The following HIPK3 variants were observed in gnomAD, a reference collection of about 807,000 sequenced individuals.
HIPK3 encodes the protein homeodomain interacting protein kinase 3, also known as homeodomain-interacting protein kinase 3.
HIPK3 carries 47 observed loss-of-function variants against 124.2 expected under a neutral mutation model. That is an observed-to-expected ratio of 0.38 (90% CI 0.30 to 0.48). The LOEUF (loss-of-function observed/expected upper bound fraction) is 0.48. Among genes scored for constraint, HIPK3 ranks in the 20% least tolerant of loss-of-function variants. The pLI is 0.98. For missense variants in HIPK3, 1,286 were observed against 1,454.3 expected, an observed-to-expected ratio of 0.88 and a Z score of 1.88; for synonymous variants, 482 against 515.2, an observed-to-expected ratio of 0.94 and a Z score of 0.87.
chr11:33,323,348 A>G (rs975630322), intron 2 of HIPK3, among the ~76,000 whole-genome samples: 6 of 152,070 alleles, frequency 3.9e-5, no homozygotes, highest in African/African-American at 7.2e-5. Context: ...GTCTCAAGCA[A>G]TTCTTCTGCC....
chr11:33,311,949 C>G (rs1050174587), intron 2 of HIPK3, among the ~76,000 whole-genome samples: 1 of 119,332 alleles, frequency 8.4e-6, no homozygotes, highest in African/African-American at 3.0e-5. Flanking sequence ...CACACACACA[C>G]GGGCAACATA....
intron 4 of HIPK3, among the ~76,000 whole-genome samples, chr11:33,338,210 A>G (rs888811118): frequency 1.3e-5 from 2 of 152,184 alleles, no homozygotes; most frequent in African/African-American, 4.8e-5. Flanking sequence ...TAAATCCTCA[A>G]TAATTAACTT....
rs1853769984 is a variant in HIPK3, at chr11:33,354,701, T to C, written c.*1133T>C. On this transcript the variant is annotated 3_prime_UTR_variant, in exon 17 of 17. Transcript: ENST00000303296. ...TTTTTGATTTATGCATGTGAGAGGG[T>C]TTTTTTTTTTTTTAAGTATTTTTAC... The C allele has an allele frequency of 3.7e-5, 1 of 27,096 alleles. No individual in the cohort carries two copies. The highest frequency in any genetic ancestry group is 1.8e-3 in the South Asian group (1 of 558). 1.7% of individuals were successfully genotyped at this position (27,096 alleles called of 1,614,324 possible). A position where few individuals can be genotyped will look rare whatever the true frequency, so the allele number is the denominator to read the frequency against.
intron 15 of HIPK3, 145 bp from the exon 16 acceptor site, chr11:33,351,993 G>A (rs1475610505): frequency 9.9e-7 from 1 of 1,013,552 alleles, no homozygotes; most frequent in Non-Finnish European, 1.4e-6. Flanking sequence ...GTATTATCCA[G>A]TGCTTGGAAA....
rs555651808 is a variant in HIPK3 at position 33,331,253 on chromosome 11, G to A, written c.1221+2620G>A. Reference sequence around the variant, plus strand: ...GACTTTCATAGATTTTCCCCATCTCGCTAGATTGTGATCACCTAATGTTAG... The same window carrying A: ...GACTTTCATAGATTTTCCCCATCTCACTAGATTGTGATCACCTAATGTTAG... On this transcript the variant is annotated intron_variant, in intron 3 of 16. Coordinates refer to ENST00000303296, the MANE Select transcript of HIPK3 (RefSeq NM_005734.5). Among the ~76,000 whole-genome samples, 244 of 152,176 alleles carry A rather than the reference G, an allele frequency of 1.6e-3. 2 individuals carry two copies. The highest frequency in any genetic ancestry group is 2.4e-3 in the Non-Finnish European group (164 of 68,004).
At chr11:33,324,080 T>G (rs1247652305) in intron 2 of HIPK3, among the ~76,000 whole-genome samples, 2 of 152,228 alleles carry the variant, frequency 1.3e-5, no homozygotes, top group Non-Finnish European at 2.9e-5. Context: ...GACAGAAGAT[T>G]TCTGTGAGTG....
At chr11:33,264,995 T>C (rs1487235473) in intron 1 of HIPK3, among the ~76,000 whole-genome samples, 2 of 152,180 alleles carry the variant, frequency 1.3e-5, no homozygotes, top group African/African-American at 4.8e-5. Flanking sequence ...TGCTACAGTT[T>C]TAAATAGTTA....
intron 2 of HIPK3, among the ~76,000 whole-genome samples, chr11:33,295,050 A>T (rs1026934718): frequency 1.3e-5 from 2 of 151,914 alleles, no homozygotes; most frequent in African/African-American, 4.8e-5. Flanking sequence ...AGCGATAAAC[A>T]TATGTAATGG....
chr11:33,311,565 G>T (rs1852336645), intron 2 of HIPK3, among the ~76,000 whole-genome samples: 1 of 151,882 alleles, frequency 6.6e-6, no homozygotes, highest in Non-Finnish European at 1.5e-5. Flanking sequence ...ACTGAGTTCT[G>T]TATACCCCCT....
chr11:33,335,048 C>A (rs1255965290), intron 3 of HIPK3, among the ~76,000 whole-genome samples: 1 of 152,074 alleles, frequency 6.6e-6, no homozygotes, highest in Non-Finnish European at 1.5e-5. Context: ...GGAAGAGGTA[C>A]AGGGCATCAA....
chr11:33,314,176 G>T (rs1428942925), intron 2 of HIPK3, among the ~76,000 whole-genome samples: 2 of 152,208 alleles, frequency 1.3e-5, no homozygotes, highest in South Asian at 4.1e-4. Flanking sequence ...ACATGGTGGT[G>T]AGGAGCTTGG....
chr11:33,322,826 A>G (rs1852703685), intron 2 of HIPK3, among the ~76,000 whole-genome samples: 1 of 152,172 alleles, frequency 6.6e-6, no homozygotes, highest in African/African-American at 2.4e-5. Context: ...ACTCCGTCTC[A>G]GAAAAAAAAA....
In HIPK3 at chr11:33,274,405, A is replaced by T. The variant is rs145968465; in HGVS notation, c.-2-12008A>T. Among the ~76,000 whole-genome samples, 3 of 152,328 alleles carry T rather than the reference A, an allele frequency of 2.0e-5. No homozygotes were observed. In the East Asian group the frequency reaches 5.8e-4, roughly 29 times the overall value. On this transcript the variant is annotated intron_variant, in intron 1 of 16. Transcript: ENST00000303296. ...ATTTTCCTATAAAGTAGAAAGCAAT[A>T]CATTTGGCTTTCTATTAAGGGAGTT...
At chr11:33,335,044 G>A (rs1853099450) in intron 3 of HIPK3, among the ~76,000 whole-genome samples, 1 of 152,146 alleles carries the variant, frequency 6.6e-6, no homozygotes, top group Non-Finnish European at 1.5e-5. Context: ...ATGAGGAAGA[G>A]GTACAGGGCA....
intron 16 of HIPK3, 43 bp downstream of exon 16, chr11:33,352,308 T>G (rs373139338): frequency 3.8e-6 from 6 of 1,599,560 alleles, no homozygotes; most frequent in Non-Finnish European, 5.1e-6. Flanking sequence ...GGGATTCAAA[T>G]TTAGCAGTTG....
At chr11:33,259,422 C>T (rs1005612475) in intron 1 of HIPK3, among the ~76,000 whole-genome samples, 2 of 152,188 alleles carry the variant, frequency 1.3e-5, no homozygotes, top group East Asian at 3.8e-4. Context: ...TTAGATAGGT[C>T]ATGATTAAAC....
intron 2 of HIPK3, among the ~76,000 whole-genome samples, chr11:33,300,147 C>G (rs1851956057): frequency 6.6e-6 from 1 of 152,058 alleles, no homozygotes; most frequent in Non-Finnish European, 1.5e-5. Context: ...CGAGACCAGC[C>G]TGGCCAACAT....
intron 2 of HIPK3, among the ~76,000 whole-genome samples, chr11:33,326,320 T>A (rs1190744669): frequency 6.6e-6 from 1 of 152,148 alleles, no homozygotes; most frequent in East Asian, 1.9e-4. Flanking sequence ...ATAATTGTAA[T>A]GTGTAGCCAA....
In HIPK3 at chr11:33,340,236, A is replaced by T. The variant is rs545136533; in HGVS notation, c.1613+702A>T. On this transcript the variant is annotated intron_variant, in intron 6 of 16. Transcript: ENST00000303296. The stretch of plus-strand genomic sequence containing the variant: ...GTAGCTGGGACTACAGGCATACGCC[A>T]CCATGCCTGGCAAATTTTTCGTAGA... 7.2e-5 allele frequency among the ~76,000 whole-genome samples: 11 copies of T among 152,270 alleles called. No individual in the cohort carries two copies. In the South Asian group the frequency reaches 2.1e-3, roughly 29 times the overall value.
Sources: gnomAD v4.1 joint callset for allele counts (sites outside exome capture counted in the v4.1 genomes callset) on GRCh38, gnomAD v4.1.1 for gene constraint, MANE v1.5 for transcripts, NCBI Gene and HGNC (gene_info 2026-07-23, HGNC 2026-07-21) for gene names.